The following CLVS1 variants were observed in gnomAD, a reference collection of about 807,000 sequenced individuals.
CLVS1 encodes the protein clavesin-1.
In CLVS1, 10 loss-of-function variants were observed where a neutral mutation model predicts 33.1. The observed-to-expected ratio is 0.30, with a 90% CI of 0.19 to 0.51. The LOEUF (loss-of-function observed/expected upper bound fraction) is 0.51, where lower values mean the gene tolerates loss of function less well. Among genes scored for constraint, CLVS1 ranks in the 20% least tolerant of loss-of-function variants. The probability of loss-of-function intolerance (pLI) is 0.97; values close to 1 mark genes in which losing one functional copy is unlikely to be tolerated. For missense variants in CLVS1, 343 were observed against 433.4 expected (o/e 0.79, Z 1.85); for synonymous variants, 163 against 166.1 (o/e 0.98, Z 0.14).
rs200316232 is a variant in CLVS1, at chr8:61,448,144, AT to A, written c.631-5996del. ...TCATTTGTTTTCCTCAAGAGTCAAT[AT>A]ATTGTTTTTTTTTCTGTATACCTTC... On this transcript the variant is annotated intron_variant, in intron 3 of 5. Coordinates refer to ENST00000325897, the MANE Select transcript of CLVS1 (RefSeq NM_173519.3). Among the ~76,000 whole-genome samples, 1,183 of 151,884 alleles carry A rather than the reference AT, an allele frequency of 7.8e-3. 19 individuals carry two copies. The highest frequency in any genetic ancestry group is 0.027 in the African/African-American group (1,138 of 41,434).
At chr8:61,173,335 T>A (rs1807046129) in intron 2 of CLVS1, among the ~76,000 whole-genome samples, 1 of 152,218 alleles carries the variant, frequency 6.6e-6, no homozygotes, top group African/African-American at 2.4e-5. Flanking sequence ...TGCATATCAA[T>A]CATTACATTA....
At chr8:61,376,364 A>T (rs1338267671) in intron 2 of CLVS1, among the ~76,000 whole-genome samples, 3 of 152,218 alleles carry the variant, frequency 2.0e-5, no homozygotes, top group Admixed American at 2.0e-4. Flanking sequence ...AACACAGAAG[A>T]GGGACATCTC....
chr8:61,494,238 A>T (rs1213107995), intron 5 of CLVS1, among the ~76,000 whole-genome samples: 1 of 152,076 alleles, frequency 6.6e-6, no homozygotes, highest in Admixed American at 6.6e-5. Context: ...GGAAAGTTCC[A>T]ATTTTGGGGA....
chr8:61,110,352 C>G (rs1805604766), intron 1 of CLVS1, among the ~76,000 whole-genome samples: 1 of 152,180 alleles, frequency 6.6e-6, no homozygotes, highest in African/African-American at 2.4e-5. Context: ...TCCCTTCCCT[C>G]TCTTCCTTTT....
chr8:61,485,379 T>C (rs529831640), intron 5 of CLVS1, among the ~76,000 whole-genome samples: 6 of 152,208 alleles, frequency 3.9e-5, no homozygotes, highest in African/African-American at 1.4e-4. Flanking sequence ...GAAATGCAAA[T>C]CAAAACCACA....
At chr8:61,480,944 ATGGAAGAGGAATAT>A (rs995199377) in intron 5 of CLVS1, among the ~76,000 whole-genome samples, 2 of 152,154 alleles carry the variant, frequency 1.3e-5, no homozygotes, top group African/African-American at 4.8e-5. Flanking sequence ...TGAAGCTGAC[ATGGAAGAGGAATAT>A]TGTTGGAGTC....
chr8:61,353,816 A>G (rs1367300989), intron 2 of CLVS1, among the ~76,000 whole-genome samples: 1 of 151,920 alleles, frequency 6.6e-6, no homozygotes, highest in Non-Finnish European at 1.5e-5. Context: ...TTAAAAAAAA[A>G]TCAACAAAAT....
intron 2 of CLVS1, among the ~76,000 whole-genome samples, chr8:61,219,374 C>T (rs1461563883): frequency 6.6e-6 from 1 of 152,106 alleles, no homozygotes; most frequent in Non-Finnish European, 1.5e-5. Flanking sequence ...GTTCAACTCC[C>T]ACTTATGAGT....
chr8:61,432,851 G>T (rs1422853671), intron 3 of CLVS1, among the ~76,000 whole-genome samples: 1 of 152,184 alleles, frequency 6.6e-6, no homozygotes, highest in Admixed American at 6.5e-5. Context: ...AACACAAGCC[G>T]CAGTAGGATC....
rs73685743 is a variant in CLVS1 at position 61,138,968 on chromosome 8, T to C, written c.-152+7108T>C. Among the ~76,000 whole-genome samples the C allele has an allele frequency of 6.0e-3, 917 of 152,364 alleles. 6 individuals carry two copies. Among genetic ancestry groups the C allele is most frequent in the African/African-American group, 0.02 (813 of 41,590 alleles). On this transcript the variant is annotated intron_variant, in intron 2 of 2. Coordinates refer to the CLVS1 transcript ENST00000522621. Reference sequence around the variant, plus strand: ...GATCTCTTGCAGGAGAGGAAAGTCGTCCGCGACAATGGCTTCTCCTTGCTC... The same window carrying C: ...GATCTCTTGCAGGAGAGGAAAGTCGCCCGCGACAATGGCTTCTCCTTGCTC...
chr8:61,140,145 GT>G (rs1229384996), intron 2 of CLVS1, among the ~76,000 whole-genome samples: 1 of 152,228 alleles, frequency 6.6e-6, no homozygotes, highest in African/African-American at 2.4e-5. Context: ...GGCGGTCACT[GT>G]GAGATCTCCT....
intron 2 of CLVS1, among the ~76,000 whole-genome samples, chr8:61,179,083 T>C (rs1646469116): frequency 1.3e-5 from 2 of 152,170 alleles, no homozygotes; most frequent in Admixed American, 1.3e-4. Flanking sequence ...CCCATTGGTG[T>C]GCTGTGTTTT....
chr8:61,260,999 G>A (rs1809192065), intron 2 of CLVS1, among the ~76,000 whole-genome samples: 1 of 152,180 alleles, frequency 6.6e-6, no homozygotes, highest in Non-Finnish European at 1.5e-5. Flanking sequence ...CAGTAGGTTT[G>A]GGTGGGAGTG....
chr8:61,300,566 C>T (rs61409316), intron 2 of CLVS1: 63,575 of 299,448 alleles, frequency 0.21, 12,797 homozygotes, highest in East Asian at 0.83. Flanking sequence ...TCTAGAAGAA[C>T]CATATATTCT....
At chr8:61,083,254 G>A (rs560957762) in intron 1 of CLVS1, among the ~76,000 whole-genome samples, 4 of 152,182 alleles carry the variant, frequency 2.6e-5, no homozygotes, top group Non-Finnish European at 4.4e-5. Context: ...TGCCATGGTG[G>A]TCCTGAATAA....
At chr8:61,451,583 A>G (rs1243219650) in intron 3 of CLVS1, among the ~76,000 whole-genome samples, 2 of 152,144 alleles carry the variant, frequency 1.3e-5, no homozygotes, top group Non-Finnish European at 2.9e-5. Flanking sequence ...AAGGCCTATG[A>G]TCTTGAGATA....
intron 3 of CLVS1, among the ~76,000 whole-genome samples, chr8:61,424,041 G>T (rs1278945744): frequency 6.6e-6 from 1 of 152,072 alleles, no homozygotes; most frequent in Non-Finnish European, 1.5e-5. Flanking sequence ...CCTTGCACAC[G>T]CACACAAACA....
At chr8:61,448,796 T>A (rs1333856185) in intron 3 of CLVS1, among the ~76,000 whole-genome samples, 1 of 152,194 alleles carries the variant, frequency 6.6e-6, no homozygotes, top group Non-Finnish European at 1.5e-5. Flanking sequence ...AAACTACTTT[T>A]TCATCTGCAT....
chr8:61,214,171 G>T (rs1438741276), intron 2 of CLVS1, among the ~76,000 whole-genome samples: 1 of 152,158 alleles, frequency 6.6e-6, no homozygotes, highest in Non-Finnish European at 1.5e-5. Flanking sequence ...AACTTCATTA[G>T]CAATTTTAAT....
Sources: allele counts gnomAD v4.1 joint callset (sites outside exome capture counted in the v4.1 genomes callset), GRCh38; gene constraint gnomAD v4.1.1; transcripts MANE v1.5; gene names NCBI Gene and HGNC (gene_info 2026-07-23, HGNC 2026-07-21).